The following CSMD3 variants were observed in gnomAD, a reference collection of about 807,000 sequenced individuals.
CSMD3 encodes the protein CUB and Sushi multiple domains 3, also known as CUB and sushi domain-containing protein 3.
Under a neutral mutation model 435.2 loss-of-function variants are expected in CSMD3, and 177 were observed. That is an observed-to-expected ratio of 0.41 (90% CI 0.36 to 0.46). CSMD3 has a LOEUF of 0.46. Among genes scored for constraint, CSMD3 ranks in the 20% least tolerant of loss-of-function variants. The pLI is 0.34. For missense variants in CSMD3, 4,265 were observed against 4,504.6 expected, an observed-to-expected ratio of 0.95 and a Z score of 1.52; for synonymous variants, 1,656 against 1,520.5, an observed-to-expected ratio of 1.09 and a Z score of -2.07.
At chr8:113,295,531 A>G (rs751235588) in intron 2 of CSMD3, among the ~76,000 whole-genome samples, 1 of 152,242 alleles carries the variant, frequency 6.6e-6, no homozygotes, top group Non-Finnish European at 1.5e-5. Flanking sequence ...ATGATATAAA[A>G]TAAAGTTAAA....
intron 23 of CSMD3, 26 bp from the exon 24 acceptor site, chr8:112,573,683 T>C (rs1173062257): frequency 1.1e-5 from 17 of 1,491,648 alleles, no homozygotes; most frequent in East Asian, 4.6e-5. Flanking sequence ...ATAATTAAAA[T>C]GTAAATGTGC....
chr8:112,832,051 T>G (rs1299470182), intron 11 of CSMD3, among the ~76,000 whole-genome samples: 1 of 152,098 alleles, frequency 6.6e-6, no homozygotes, highest in Non-Finnish European at 1.5e-5. Flanking sequence ...TTTACCAGAG[T>G]AGGACTTACT....
At chr8:113,175,976 T>C (rs2092341059) in intron 3 of CSMD3, among the ~76,000 whole-genome samples, 1 of 152,074 alleles carries the variant, frequency 6.6e-6, no homozygotes, top group Admixed American at 6.6e-5. Flanking sequence ...AAATTAACTT[T>C]GATTTAAATG....
intron 5 of CSMD3, among the ~76,000 whole-genome samples, chr8:113,087,171 C>T (rs9656899): frequency 0.46 from 69,532 of 151,896 alleles, 17,899 homozygotes; most frequent in East Asian, 0.87. Flanking sequence ...AAAGGACCCA[C>T]CACAAACCAC....
chr8:112,266,985 A>T (rs182007685), intron 59 of CSMD3, among the ~76,000 whole-genome samples: 111 of 152,254 alleles, frequency 7.3e-4, no homozygotes, highest in African/African-American at 2.5e-3. Context: ...TTCTCCAGGT[A>T]AATCTGGGTT....
chr8:112,488,539 G>A (rs115455593), intron 31 of CSMD3, among the ~76,000 whole-genome samples: 15 of 152,216 alleles, frequency 9.9e-5, no homozygotes, highest in South Asian at 2.1e-4. Flanking sequence ...AACTTCCTAC[G>A]TATGCACTCA....
At chr8:112,519,052 A>C (rs1824006488) in intron 27 of CSMD3, among the ~76,000 whole-genome samples, 1 of 152,140 alleles carries the variant, frequency 6.6e-6, no homozygotes, top group South Asian at 2.1e-4. Context: ...CTCCACTGAC[A>C]TGTGGGGATT....
At chr8:113,122,819 C>T (rs1411922895) in intron 4 of CSMD3, among the ~76,000 whole-genome samples, 1 of 151,958 alleles carries the variant, frequency 6.6e-6, no homozygotes, top group African/African-American at 2.4e-5. Flanking sequence ...TTTTAAGACA[C>T]TGTATTTGTG....
chr8:112,843,450 CA>C (rs1315096877), intron 11 of CSMD3, among the ~76,000 whole-genome samples: 1 of 151,254 alleles, frequency 6.6e-6, no homozygotes, highest in Non-Finnish European at 1.5e-5. Context: ...CTCCCTAATC[CA>C]AAAAAAAGCT....
chr8:113,155,399 G>C (rs2091910585), intron 4 of CSMD3, among the ~76,000 whole-genome samples: 1 of 151,956 alleles, frequency 6.6e-6, no homozygotes, highest in Non-Finnish European at 1.5e-5. Context: ...TCATTTCTTG[G>C]CCTTTATTTT....
At chr8:113,237,219 C>T (rs2093160632) in intron 3 of CSMD3, among the ~76,000 whole-genome samples, 1 of 152,086 alleles carries the variant, frequency 6.6e-6, no homozygotes, top group Non-Finnish European at 1.5e-5. Flanking sequence ...GCCACACAGC[C>T]AAGAACACAA....
intron 3 of CSMD3, among the ~76,000 whole-genome samples, chr8:113,262,244 A>G (rs2132361098): frequency 6.6e-6 from 1 of 152,186 alleles, no homozygotes. Flanking sequence ...TTATTTACTA[A>G]AATAAGTTTG....
intron 9 of CSMD3, among the ~76,000 whole-genome samples, chr8:112,931,776 G>C (rs1232435285): frequency 2.6e-5 from 4 of 152,050 alleles, no homozygotes; most frequent in African/African-American, 9.7e-5. Context: ...TCCCATAAAA[G>C]TGGACAAAGG....
intron 11 of CSMD3, among the ~76,000 whole-genome samples, chr8:112,837,670 C>T (rs1003589085): frequency 6.6e-6 from 1 of 151,752 alleles, no homozygotes; most frequent in South Asian, 2.1e-4. Flanking sequence ...CACAATGGAT[C>T]TTGAGGATGA....
intron 4 of CSMD3, among the ~76,000 whole-genome samples, chr8:113,111,238 T>TTATA (rs564670602): frequency 6.6e-6 from 1 of 152,078 alleles, no homozygotes. Flanking sequence ...CAAATCATGA[T>TTATA]TATATATATA....
At chr8:113,294,401 T>C (rs959064626) in intron 2 of CSMD3, among the ~76,000 whole-genome samples, 1 of 152,078 alleles carries the variant, frequency 6.6e-6, no homozygotes, top group Non-Finnish European at 1.5e-5. Context: ...ATTTATATTA[T>C]TCCATTTTGA....
intron 8 of CSMD3, among the ~76,000 whole-genome samples, chr8:112,951,650 A>G (rs2083816241): frequency 6.6e-6 from 1 of 151,804 alleles, no homozygotes; most frequent in South Asian, 2.1e-4. Context: ...TTCCCTATAA[A>G]ATATTGAATC....
intron 13 of CSMD3, among the ~76,000 whole-genome samples, chr8:112,754,488 T>A (rs2077645465): frequency 1.3e-5 from 2 of 151,256 alleles, no homozygotes; most frequent in South Asian, 2.1e-4. Context: ...AAAAAAAAAA[T>A]AGCAATTATC....
At chr8:112,428,809 C>T (rs757904224) in intron 32 of CSMD3, among the ~76,000 whole-genome samples, 2 of 152,108 alleles carry the variant, frequency 1.3e-5, no homozygotes, top group Non-Finnish European at 2.9e-5. Flanking sequence ...TCCACCCTAC[C>T]ATGTTCATAA....
Sources: gnomAD v4.1 joint callset for allele counts (sites outside exome capture counted in the v4.1 genomes callset) on GRCh38, gnomAD v4.1.1 for gene constraint, MANE v1.5 for transcripts, NCBI Gene and HGNC (gene_info 2026-07-23, HGNC 2026-07-21) for gene names.